The following PADI2 variants were observed in gnomAD, a reference collection of about 807,000 sequenced individuals.
The protein encoded by PADI2 is peptidyl arginine deiminase 2.
Under a neutral mutation model 81.1 loss-of-function variants are expected in PADI2, and 70 were observed. The ratio of observed to expected loss-of-function variants is 0.86; its 90% CI spans 0.71 to 1.05. The LOEUF is 1.05. Among genes scored for constraint, PADI2 ranks in the 50% least tolerant of loss-of-function variants. PADI2 has a pLI of 0.00. For missense variants in PADI2, 853 were observed against 889.9 expected (o/e 0.96, Z 0.53); for synonymous variants, 338 against 358.0 (o/e 0.94, Z 0.63).
At chr1:17,091,401 T>C (rs897418950) in intron 6 of PADI2, among the ~76,000 whole-genome samples, 1 of 151,800 alleles carries the variant, frequency 6.6e-6, no homozygotes. Flanking sequence ...ACATACATCA[T>C]TATTATGACA....
chr1:17,110,663 A>G (rs892967855), intron 1 of PADI2, among the ~76,000 whole-genome samples: 7 of 152,132 alleles, frequency 4.6e-5, no homozygotes, highest in Admixed American at 4.6e-4. Flanking sequence ...TCCTTCCACC[A>G]CTTCAGCTCC....
chr1:17,081,889 G>T (rs1449237081), intron 10 of PADI2, among the ~76,000 whole-genome samples: 2 of 152,194 alleles, frequency 1.3e-5, no homozygotes, highest in Admixed American at 1.3e-4. Context: ...AAGGTAAGTG[G>T]ATCATCTGGG....
At chr1:17,106,922 C>T (rs556296268) in intron 1 of PADI2, among the ~76,000 whole-genome samples, 2 of 152,016 alleles carry the variant, frequency 1.3e-5, no homozygotes, top group South Asian at 4.2e-4. Flanking sequence ...ACCAGAACCC[C>T]GACCATGCCA....
At chr1:17,111,245 G>A (rs1456493650) in intron 1 of PADI2, among the ~76,000 whole-genome samples, 2 of 151,672 alleles carry the variant, frequency 1.3e-5, no homozygotes, top group Non-Finnish European at 2.9e-5. Context: ...CCACCACCAC[G>A]CCTGGCTATT....
intron 13 of PADI2, among the ~76,000 whole-genome samples, chr1:17,072,457 G>A (rs182498853): frequency 5.9e-5 from 9 of 152,316 alleles, no homozygotes; most frequent in African/African-American, 2.2e-4. Flanking sequence ...GGGCAAGTCT[G>A]TAGTTTTTAT....
intron 1 of PADI2, among the ~76,000 whole-genome samples, chr1:17,111,341 C>T (rs1340608899): frequency 1.6e-4 from 24 of 151,924 alleles, no homozygotes; most frequent in African/African-American, 5.1e-4. Flanking sequence ...GTGATCTGCC[C>T]GCCTCAGCCT....
At chr1:17,105,097 C>A in intron 1 of PADI2, 36 bp from the exon 2 acceptor site, 1 of 1,448,796 alleles carries the variant, frequency 6.9e-7, no homozygotes. Context: ...AGGGAGAGCC[C>A]TGGGGTAGGT....
chr1:17,103,265 C>T (rs1400362853), intron 2 of PADI2, among the ~76,000 whole-genome samples: 1 of 152,242 alleles, frequency 6.6e-6, no homozygotes, highest in East Asian at 1.9e-4. Flanking sequence ...GACTCCCCTC[C>T]TGCTGGCTGA....
intron 11 of PADI2, among the ~76,000 whole-genome samples, chr1:17,077,149 G>A (rs1215640426): frequency 1.3e-5 from 2 of 152,022 alleles, no homozygotes; most frequent in Non-Finnish European, 2.9e-5. Context: ...TAACATCCAA[G>A]CCTCAACTCT....
Position 17,106,691 on chromosome 1 carries a change from C to T in PADI2, c.93-1630G>A, listed in dbSNP as rs1179392304. On this transcript the variant is annotated intron_variant, in intron 1 of 15. Coordinates refer to ENST00000375486, the MANE Select transcript of PADI2 (RefSeq NM_007365.3). ...CTCCTGACCTCAGGTGATCCACCCACCTCAGCCTCCCAAAGTGCTGGGATT... is the reference window on the plus strand; with the variant it reads ...CTCCTGACCTCAGGTGATCCACCCATCTCAGCCTCCCAAAGTGCTGGGATT... Among the ~76,000 whole-genome samples the T allele has an allele frequency of 2.0e-5, 3 of 152,050 alleles. No homozygotes were observed. The East Asian group carries it at 5.8e-4, about 29-fold the overall frequency.
Position 17,092,262 on chromosome 1 carries a change from G to A in PADI2, c.655+146C>T, listed in dbSNP as rs1013984282. 381 of 565,420 alleles carry A rather than the reference G, an allele frequency of 6.7e-4. 4 individuals carry two copies. Among genetic ancestry groups the A allele is most frequent in the Middle Eastern group, 4.7e-4 (1 of 2,108 alleles). The allele number at this position is 565,420 out of a possible 1,614,324, so 35.0% of individuals were successfully genotyped here. A position where few individuals can be genotyped will look rare whatever the true frequency, so the allele number is the denominator to read the frequency against. On this transcript the variant is annotated intron_variant, in intron 6 of 15. Transcript: ENST00000375486. ...TCCCCATGGAGTCTTTCAACTTCAC[G>A]GGACAACAGCATTGCCATGTTACAA...
Position 17,075,068 on chromosome 1 carries a change from C to T in PADI2, c.1456-119G>A, listed in dbSNP as rs538682491. The T allele has an allele frequency of 3.7e-5, 22 of 597,664 alleles. No homozygotes were observed. The East Asian group carries it at 5.7e-4, about 16-fold the overall frequency. 37.0% of individuals were successfully genotyped at this position (597,664 alleles called of 1,614,324 possible). On this transcript the variant is annotated intron_variant, in intron 12 of 15. Coordinates refer to ENST00000375486, the MANE Select transcript of PADI2 (RefSeq NM_007365.3). ...GCTCATTGCCTCAGGCCTCCCATGC[C>T]GAGTGGCAAAGGCTGACGGGGAGGG...
At position 17,119,130 on chromosome 1, in the gene PADI2, G is replaced by T. The variant is rs1007005148; in HGVS notation, c.92+150C>A. On this transcript the variant is annotated intron_variant, in intron 1 of 15. Transcript: ENST00000375486. The surrounding 1 kb of genome is among the most constrained non-coding windows in gnomAD (Gnocchi z 4.8). Reference sequence around the variant, plus strand: ...AAGGTTCGGGGGTTGTCAGGTTTCTGGATGAGATTCTTAGGATTTCTGGGC... The same window carrying T: ...AAGGTTCGGGGGTTGTCAGGTTTCTTGATGAGATTCTTAGGATTTCTGGGC... 4.5e-5 allele frequency: 26 copies of T among 575,876 alleles called. No homozygotes were observed. In the Admixed American group the frequency reaches 8.8e-4, roughly 20 times the overall value. The allele number at this position is 575,876 out of a possible 1,614,324, so 35.7% of individuals were successfully genotyped here.
intron 2 of PADI2, among the ~76,000 whole-genome samples, chr1:17,104,164 T>C (rs551695253): frequency 1.3e-3 from 191 of 144,270 alleles, no homozygotes; most frequent in Non-Finnish European, 2.6e-3. Flanking sequence ...AGGGCAGGCG[T>C]CTGTAGTCCC....
intron 9 of PADI2, chr1:17,083,492 TACTC>T: frequency 2.0e-6 from 1 of 497,308 alleles, no homozygotes; most frequent in South Asian, 3.1e-5. Flanking sequence ...GGAAGGCCGT[TACTC>T]AGTCCTCCAC....
At chr1:17,114,808 C>T (rs1931704172) in intron 1 of PADI2, among the ~76,000 whole-genome samples, 1 of 152,070 alleles carries the variant, frequency 6.6e-6, no homozygotes, top group East Asian at 1.9e-4. Context: ...GTGTTCCAGG[C>T]AGAGGGAACA....
Position 17,119,091 on chromosome 1 carries a change from T to C in PADI2, c.92+189A>G, listed in dbSNP as rs2746493. ...GGGTCTGGGAGAGTCTCAGGGTTTC[T>C]GGAAGGTGGACACAAGGTTCGGGGG... On this transcript the variant is annotated intron_variant, in intron 1 of 15. Transcript: ENST00000375486. This position sits in a 1 kb window ranked among gnomAD's most constrained non-coding sequence, Gnocchi z 4.8. 5.9e-5 allele frequency among the ~76,000 whole-genome samples: 9 copies of C among 151,742 alleles called. No homozygotes were observed. In the South Asian group the frequency reaches 1.9e-3, roughly 32 times the overall value.
At chr1:17,089,148 C>T (rs1930581621) in intron 6 of PADI2, among the ~76,000 whole-genome samples, 1 of 152,098 alleles carries the variant, frequency 6.6e-6, no homozygotes, top group African/African-American at 2.4e-5. Context: ...AAACAGAAGG[C>T]AGGGAAACCA....
At chr1:17,112,753 C>T (rs2647173) in intron 1 of PADI2, among the ~76,000 whole-genome samples, 2,066 of 152,286 alleles carry the variant, frequency 0.014, 61 homozygotes, top group African/African-American at 0.047. Context: ...TCCAGCTGTC[C>T]CGGGCCTCTC....
Sources: gnomAD v4.1 joint callset for allele counts (sites outside exome capture counted in the v4.1 genomes callset) on GRCh38, gnomAD v4.1.1 for gene constraint, Gnocchi (gnomAD v3.1) non-coding constraint, MANE v1.5 for transcripts, NCBI Gene and HGNC (gene_info 2026-07-23, HGNC 2026-07-21) for gene names.